BTBD8: variants seen among roughly 807,000 people sequenced by gnomAD.
BTBD8 encodes BTB/POZ domain-containing protein 8.
BTBD8 carries 110 observed loss-of-function variants against 162.9 expected under a neutral mutation model. The observed-to-expected ratio is 0.68, with a 90% CI of 0.58 to 0.79. The LOEUF (loss-of-function observed/expected upper bound fraction) is 0.79, where lower values mean the gene tolerates loss of function less well. BTBD8 is among the 30% of genes least tolerant of loss of function. BTBD8 has a pLI of 0.00. For missense variants in BTBD8, 1,905 were observed against 2,085.4 expected (o/e 0.91, Z 1.68); for synonymous variants, 667 against 716.1 (o/e 0.93, Z 1.10).
chr1:92,177,085 C>T lies in BTBD8; in HGVS notation c.1892C>T (p.Ser631Phe). ...CTAAAAACTGGGGGAAAAAATGTTT[C>T]TGGAAAGCCCAAAACTGTAACAAAA... ...KELKTGGKNV[S>F]GKPKTVTKSK... Residue 631 changes from serine (S) to phenylalanine (F), a missense_variant, in exon 14 of 18, where the codon TCT becomes TTT. Around this residue, in one of 3 missense-constraint regions of BTBD8, gnomAD observed 1,374 missense variants for 1,442.7 expected, o/e 0.95. Transcript: ENST00000636805. 6.4e-7 allele frequency: 1 copy of T among 1,551,542 alleles called. No individual in the cohort carries two copies. The highest frequency in any genetic ancestry group is 8.7e-7 in the Non-Finnish European group (1 of 1,146,962).
chr1:92,108,133 G>A lies in BTBD8; in HGVS notation c.662+132G>A, dbSNP rs1648783935. ...CCACAGGGGTTCCATGAAGGCCAAA[G>A]GGGTTCCACTGTGATTCCTCAGGGG... On this transcript the variant is annotated intron_variant, in intron 4 of 17. Coordinates refer to ENST00000636805, the MANE Select transcript of BTBD8 (RefSeq NM_001376131.1). 9 of 829,560 alleles carry A rather than the reference G, an allele frequency of 1.1e-5. No individual in the cohort carries two copies. The East Asian group carries it at 2.2e-4, about 20-fold the overall frequency. The allele number at this position is 829,560 out of a possible 1,614,324, so 51.4% of individuals were successfully genotyped here.
intron 12 of BTBD8, among the ~76,000 whole-genome samples, chr1:92,169,574 TA>T (rs200888004): frequency 1.2e-4 from 18 of 151,492 alleles, no homozygotes; most frequent in East Asian, 1.9e-4. Context: ...AACATGTGTT[TA>T]AAAAAAATAT....
At chr1:92,134,249 CAATAT>C (rs1232278708) in intron 5 of BTBD8, among the ~76,000 whole-genome samples, 11 of 152,132 alleles carry the variant, frequency 7.2e-5, no homozygotes, top group Admixed American at 3.9e-4. Context: ...CCCTGGCCTT[CAATAT>C]AAGTTTTGAA....
chr1:92,158,447 A>G (rs545692756), intron 9 of BTBD8, among the ~76,000 whole-genome samples: 1 of 152,280 alleles, frequency 6.6e-6, no homozygotes, highest in East Asian at 1.9e-4. Flanking sequence ...TCTCATAGAT[A>G]TAACAGTCTA....
intron 7 of BTBD8, among the ~76,000 whole-genome samples, chr1:92,143,701 G>A (rs998588397): frequency 2.0e-5 from 3 of 151,418 alleles, no homozygotes; most frequent in Admixed American, 6.6e-5. Flanking sequence ...TAGTAGAGAC[G>A]GGGTTTCACC....
chr1:92,092,554 C>T (rs1364795475), intron 2 of BTBD8, among the ~76,000 whole-genome samples: 5 of 152,134 alleles, frequency 3.3e-5, no homozygotes, highest in Admixed American at 2.0e-4. Flanking sequence ...TTCTAGCCTC[C>T]GAAAACTGAG....
At chr1:92,107,763 C>T in intron 3 of BTBD8, 121 bp from the exon 4 acceptor site, 5 of 714,190 alleles carry the variant, frequency 7.0e-6, no homozygotes, top group South Asian at 2.0e-5. Context: ...TTTAATTTAC[C>T]ACTTACATAT....
At chr1:92,102,409 A>T in intron 2 of BTBD8, 64 bp from the exon 3 acceptor site, 1 of 1,169,828 alleles carries the variant, frequency 8.5e-7, no homozygotes, top group Non-Finnish European at 1.1e-6. Context: ...TAAGGAAACT[A>T]GCATTCTTTC....
chr1:92,101,605 C>G (rs1193335070), intron 2 of BTBD8, among the ~76,000 whole-genome samples: 1 of 152,216 alleles, frequency 6.6e-6, no homozygotes, highest in Non-Finnish European at 1.5e-5. Flanking sequence ...CCAGCAGCAG[C>G]CACGAATTCC....
At chr1:92,143,700 C>T (rs201373197) in intron 7 of BTBD8, among the ~76,000 whole-genome samples, 2 of 151,222 alleles carry the variant, frequency 1.3e-5, no homozygotes, top group Non-Finnish European at 3.0e-5. Flanking sequence ...TTAGTAGAGA[C>T]GGGGTTTCAC....
At chr1:92,088,072 T>C (rs982013237) in intron 1 of BTBD8, among the ~76,000 whole-genome samples, 5 of 152,190 alleles carry the variant, frequency 3.3e-5, no homozygotes, top group Non-Finnish European at 7.3e-5. Context: ...GGATCACGAA[T>C]CCATCATTTT....
At chr1:92,139,286 T>C (rs1005415983) in intron 5 of BTBD8, 64 bp from the exon 6 acceptor site, 6 of 1,493,992 alleles carry the variant, frequency 4.0e-6, no homozygotes, top group Non-Finnish European at 5.3e-6. Flanking sequence ...TATGGGAAAA[T>C]AGAATGAATC....
chr1:92,091,525 G>A (rs1194684305), intron 2 of BTBD8, among the ~76,000 whole-genome samples: 2 of 151,726 alleles, frequency 1.3e-5, no homozygotes, highest in African/African-American at 4.8e-5. Flanking sequence ...GTGTTTCGTA[G>A]GCTGGTCTCT....
Position 92,177,429 on chromosome 1 carries a change from C to T in BTBD8, c.2236C>T (p.Pro746Ser), listed in dbSNP as rs913251889. The T allele has an allele frequency of 6.4e-7, 1 of 1,551,672 alleles. No individual in the cohort carries two copies. Among genetic ancestry groups the T allele is most frequent in the South Asian group, 1.2e-5 (1 of 84,058 alleles). The change falls in exon 14 of 18, where the codon CCG becomes TCG. Residue 746 changes from proline to serine, a missense_variant. Pro to Ser is a moderately conservative substitution (Grantham distance 74). This residue lies in a region of BTBD8 where 1,374 missense variants were observed against 1,442.7 expected (regional missense o/e 0.95). Coordinates refer to ENST00000636805, the MANE Select transcript of BTBD8 (RefSeq NM_001376131.1). ...AATTTCCACTGAATGTCTGGATGAA[C>T]CGAAAGAAAATGGATCAACAGAAGA... Reference protein sequence around the residue: ...FSISTECLDEPKENGSTEEEK... With the variant: ...FSISTECLDESKENGSTEEEK...
chr1:92,109,855 C>T (rs564421030), intron 4 of BTBD8, among the ~76,000 whole-genome samples: 50 of 152,222 alleles, frequency 3.3e-4, no homozygotes, highest in African/African-American at 1.2e-3. Context: ...GGCTAAAAAT[C>T]CTTTTGTAAT....
intron 4 of BTBD8, among the ~76,000 whole-genome samples, chr1:92,109,572 A>C (rs574605204): frequency 2.6e-5 from 4 of 152,324 alleles, no homozygotes; most frequent in African/African-American, 9.6e-5. Context: ...AGCAGTAAAA[A>C]AGAAATTCAT....
chr1:92,110,969 G>T (rs183870166), intron 4 of BTBD8, among the ~76,000 whole-genome samples: 2 of 149,928 alleles, frequency 1.3e-5, no homozygotes, highest in Non-Finnish European at 3.0e-5. Flanking sequence ...ATGCTGCCTC[G>T]TTGAAAAAGC....
At chr1:92,162,967 A>G (rs1057183076) in intron 9 of BTBD8, among the ~76,000 whole-genome samples, 1 of 152,202 alleles carries the variant, frequency 6.6e-6, no homozygotes, top group Non-Finnish European at 1.5e-5. Context: ...GACTTGTGAT[A>G]TATCTATATT....
intron 2 of BTBD8, among the ~76,000 whole-genome samples, chr1:92,091,122 C>T (rs189348706): frequency 6.6e-6 from 1 of 152,144 alleles, no homozygotes; most frequent in East Asian, 1.9e-4. Context: ...GGAGGAGGGG[C>T]CTAGTGGGAG....
Sources: gnomAD v4.1 joint callset for allele counts (sites outside exome capture counted in the v4.1 genomes callset) on GRCh38, gnomAD v4.1.1 for gene constraint, gnomAD v4.1.1 regional missense constraint, MANE v1.5 for transcripts, NCBI Gene and HGNC (gene_info 2026-07-23, HGNC 2026-07-21) for gene names.